OASL: variants seen among roughly 807,000 people sequenced by gnomAD.
The protein encoded by OASL is 2'-5'-oligoadenylate synthetase like.
In OASL, 28 loss-of-function variants were observed where a neutral mutation model predicts 35.3. The observed-to-expected ratio is 0.79, with a 90% CI of 0.59 to 1.09. OASL has a LOEUF of 1.09. Among genes scored for constraint, OASL ranks in the 50% least tolerant of loss-of-function variants. The pLI is 0.00. For missense variants in OASL, 620 were observed against 635.2 expected, an observed-to-expected ratio of 0.98 and a Z score of 0.26; for synonymous variants, 252 against 254.6, an observed-to-expected ratio of 0.99 and a Z score of 0.10.
chr12:121,033,552 C>G, exon 2 of OASL: 1 of 1,614,164 alleles, frequency 6.2e-7, no homozygotes, highest in Non-Finnish European at 8.5e-7. Flanking sequence ...CGGGGACTCT[C>G]TGCTCCATCC....
exon 6 of OASL, chr12:121,019,943 A>C (rs1021884380): frequency 9.2e-5 from 14 of 152,342 alleles, no homozygotes; most frequent in African/African-American, 3.4e-4. Flanking sequence ...GTGGGGAGTT[A>C]GAGATGCTGC....
intron 5 of OASL, among the ~76,000 whole-genome samples, chr12:121,023,570 G>T (rs996153769): frequency 6.6e-6 from 1 of 152,054 alleles, no homozygotes; most frequent in Non-Finnish European, 1.5e-5. Flanking sequence ...GATTACAGGC[G>T]TGAACCACCG....
exon 2 of OASL, chr12:121,033,728 T>C (rs1219257904): frequency 1.3e-5 from 21 of 1,612,634 alleles, no homozygotes; most frequent in Non-Finnish European, 1.5e-5. Context: ...ACCGTGCCAT[T>C]CCCGAAGGAG....
downstream of OASL, among the ~76,000 whole-genome samples, chr12:121,018,524 A>C (rs1869119848): frequency 6.6e-6 from 1 of 151,862 alleles, no homozygotes; most frequent in Admixed American, 6.6e-5. Flanking sequence ...GAATCTTTCA[A>C]TTACATAATG....
rs1869723793 is a variant in OASL at position 121,031,422 on chromosome 12, C to T, written c.657+20G>A. On this transcript the variant is annotated intron_variant, in intron 3 of 5. Transcript: ENST00000257570. ...CCCTCTTCCCTCTCCTTGCCCCTGC[C>T]ATCCTGGCAGCCCCCTCACCTGCTG... 1.2e-6 allele frequency: 2 copies of T among 1,609,962 alleles called. No homozygotes were observed. The highest frequency in any genetic ancestry group is 1.1e-5 in the South Asian group (1 of 90,934).
At chr12:121,028,442 A>C (rs1343915896) in intron 3 of OASL, among the ~76,000 whole-genome samples, 1 of 152,136 alleles carries the variant, frequency 6.6e-6, no homozygotes, top group Non-Finnish European at 1.5e-5. Flanking sequence ...TCTTTTGTTC[A>C]GTGGTTGAAA....
chr12:121,021,168 A>C, intron 5 of OASL, 110 bp from the exon 6 acceptor site: 3 of 1,182,710 alleles, frequency 2.5e-6, no homozygotes, highest in Middle Eastern at 2.9e-4. Flanking sequence ...CAGCAGCGGC[A>C]GCAGCAAATG....
At chr12:121,034,989 C>T (rs376555678) in intron 1 of OASL, among the ~76,000 whole-genome samples, 2 of 151,840 alleles carry the variant, frequency 1.3e-5, no homozygotes, top group Non-Finnish European at 2.9e-5. Flanking sequence ...GTATGCAAAG[C>T]GCCACAACTC....
chr12:121,021,227 T>C (rs1869223276), intron 5 of OASL, among the ~76,000 whole-genome samples, 169 bp from the exon 6 acceptor site: 1 of 152,208 alleles, frequency 6.6e-6, no homozygotes, highest in Non-Finnish European at 1.5e-5. Context: ...GCACCTTCCA[T>C]ACCCTTAATG....
Position 121,020,605 on chromosome 12 carries a change from TGA to T in OASL, c.1499_1500del (p.Leu500HisfsTer80). On this transcript the variant is annotated frameshift_variant, in exon 6 of 6. Coordinates refer to ENST00000257570, the Ensembl canonical transcript of OASL. LOFTEE classifies it low-confidence loss of function (END_TRUNC). ...GCCTCTCCTTTCTTCTTCGAGAGGA[TGA>T]GAGTGTCACTGTCTTGGATGCCATA... The T allele has an allele frequency of 6.2e-7, 1 of 1,612,028 alleles. No homozygotes were observed. The highest frequency in any genetic ancestry group is 8.5e-7 in the Non-Finnish European group (1 of 1,178,234).
At chr12:121,023,788 A>G in intron 5 of OASL, 3 of 523,920 alleles carry the variant, frequency 5.7e-6, no homozygotes, top group South Asian at 3.0e-5. Flanking sequence ...GGAGAACAAG[A>G]ATTTGAAGGT....
exon 2 of OASL, chr12:121,033,706 G>C: frequency 1.2e-6 from 2 of 1,613,822 alleles, no homozygotes; most frequent in Non-Finnish European, 1.7e-6. Flanking sequence ...CACCTCTCTG[G>C]TGCTCCTGAG....
intron 5 of OASL, among the ~76,000 whole-genome samples, 178 bp from the exon 6 acceptor site, chr12:121,021,236 T>C (rs1869223725): frequency 6.6e-6 from 1 of 152,228 alleles, no homozygotes; most frequent in South Asian, 2.1e-4. Flanking sequence ...ATACCCTTAA[T>C]GCATTTTATT....
chr12:121,033,727 T>A, exon 2 of OASL: 1 of 1,612,928 alleles, frequency 6.2e-7, no homozygotes, highest in Non-Finnish European at 8.5e-7. Context: ...AACCGTGCCA[T>A]TCCCGAAGGA....
exon 6 of OASL, chr12:121,020,836 T>C: frequency 6.2e-7 from 1 of 1,614,168 alleles, no homozygotes; most frequent in South Asian, 1.1e-5. Flanking sequence ...AGCAGATAGA[T>C]GTGAGTGTGG....
chr12:121,028,658 AC>A (rs1869597873), intron 3 of OASL, among the ~76,000 whole-genome samples: 1 of 114,448 alleles, frequency 8.7e-6, no homozygotes, highest in Non-Finnish European at 1.6e-5. Context: ...GGGTTTTCCT[AC>A]ATAAGCTGAT....
chr12:121,017,842 TA>T (rs1869070519), downstream of OASL, among the ~76,000 whole-genome samples: 1 of 152,208 alleles, frequency 6.6e-6, no homozygotes, highest in Non-Finnish European at 1.5e-5. Flanking sequence ...ATAGGCACAT[TA>T]AAAGAGGTTG....
chr12:121,018,231 C>T (rs1869097648), downstream of OASL, among the ~76,000 whole-genome samples: 1 of 152,104 alleles, frequency 6.6e-6, no homozygotes, highest in Non-Finnish European at 1.5e-5. Context: ...TGCAGGTGGG[C>T]TGAGGCTTAA....
intron 1 of OASL, among the ~76,000 whole-genome samples, chr12:121,036,105 C>A (rs903033718): frequency 1.3e-5 from 2 of 152,196 alleles, no homozygotes; most frequent in African/African-American, 4.8e-5. Context: ...TCAAGCAATC[C>A]TCCCACCTTG....
Sources: allele counts gnomAD v4.1 joint callset (sites outside exome capture counted in the v4.1 genomes callset), GRCh38; gene constraint gnomAD v4.1.1; transcripts MANE v1.5; gene names NCBI Gene and HGNC (gene_info 2026-07-23, HGNC 2026-07-21).